BIRC6: variants seen among roughly 807,000 people sequenced by gnomAD.
BIRC6 encodes baculoviral IAP repeat containing 6, also known as dual E2 ubiquitin-conjugating enzyme/E3 ubiquitin-protein ligase BIRC6.
In BIRC6, 98 loss-of-function variants were observed where a neutral mutation model predicts 503.3. The ratio of observed to expected loss-of-function variants is 0.19; its 90% CI spans 0.17 to 0.23. BIRC6 has a LOEUF of 0.23. Ranked by LOEUF, BIRC6 falls within the 10% of genes least tolerant of loss-of-function variation. The pLI is 1.00. For synonymous variants in BIRC6, 2,240 were observed against 2,078.7 expected (o/e 1.08, Z -2.11); for missense variants, 5,360 against 5,806.0 (o/e 0.92, Z 2.50).
At chr2:32,462,682 C>T (rs183883119) in intron 23 of BIRC6, among the ~76,000 whole-genome samples, 10 of 152,276 alleles carry the variant, frequency 6.6e-5, no homozygotes, top group African/African-American at 9.6e-5. Context: ...CTGGGCTGGG[C>T]GTGGTGGCTC....
At chr2:32,461,009 TCTC>T (rs1340165135) in intron 23 of BIRC6, among the ~76,000 whole-genome samples, 7 of 35,856 alleles carry the variant, frequency 2.0e-4, no homozygotes, top group Non-Finnish European at 1.3e-4. Flanking sequence ...TCTCTTCTCT[TCTC>T]TTCTCTTCTC....
rs2060181557 is a variant in BIRC6 at position 32,575,166 on chromosome 2, G to T, written c.13155G>T (p.Met4385Ile). The T allele has an allele frequency of 1.2e-6, 2 of 1,613,806 alleles. No individual in the cohort carries two copies. Among genetic ancestry groups the T allele is most frequent in the Admixed American group, 1.7e-5 (1 of 59,998 alleles). ...TTCTTCTCCTTATAGTTCTGGACATGGCAAGACATGTGCCACTCTATCGGG... is the reference window on the plus strand; with the variant it reads ...TTCTTCTCCTTATAGTTCTGGACATTGCAAGACATGTGCCACTCTATCGGG... The part of the protein sequence containing the change: ...SYLRNDSVLD[M>I]ARHVPLYRAL... The change falls in exon 66 of 74, where the codon ATG becomes ATT. Residue 4385 changes from methionine (M) to isoleucine (I), a missense_variant. Met to Ile is a conservative substitution (Grantham distance 10, BLOSUM62 1). Coordinates refer to ENST00000421745, the MANE Select transcript of BIRC6 (RefSeq NM_016252.4).
intron 23 of BIRC6, among the ~76,000 whole-genome samples, chr2:32,458,056 A>G (rs930208726): frequency 6.6e-6 from 1 of 152,172 alleles, no homozygotes; most frequent in African/African-American, 2.4e-5. Flanking sequence ...AGAATTCTAT[A>G]GGGATTCTAA....
chr2:32,574,843 G>A lies in BIRC6; in HGVS notation c.13145-313G>A, dbSNP rs113626971. 717 of 365,510 alleles carry A rather than the reference G, an allele frequency of 2.0e-3. 3 individuals carry two copies. The highest frequency in any genetic ancestry group is 2.8e-3 in the Non-Finnish European group (537 of 190,900). The allele number at this position is 365,510 out of a possible 1,614,324, so 22.6% of individuals were successfully genotyped here. A position where few individuals can be genotyped will look rare whatever the true frequency, so the allele number is the denominator to read the frequency against. On this transcript the variant is annotated intron_variant, in intron 65 of 73. Transcript: ENST00000421745. The stretch of plus-strand genomic sequence containing the variant: ...GGCTCACTATAGTCTCCGCCTCCCA[G>A]GTTCAAACAGTTCTCCTGCCTCAGC...
chr2:32,495,494 C>G (rs2052332565), intron 45 of BIRC6, among the ~76,000 whole-genome samples: 1 of 152,164 alleles, frequency 6.6e-6, no homozygotes. Flanking sequence ...GAAAGAAATA[C>G]TCGGTATAAA....
chr2:32,407,603 T>C (rs1222603955), intron 9 of BIRC6, among the ~76,000 whole-genome samples: 1 of 152,166 alleles, frequency 6.6e-6, no homozygotes, highest in Non-Finnish European at 1.5e-5. Flanking sequence ...AACTTAAATC[T>C]TTTTAGAAGA....
chr2:32,521,250 A>G (rs1476513194), intron 57 of BIRC6, among the ~76,000 whole-genome samples: 1 of 150,512 alleles, frequency 6.6e-6, no homozygotes, highest in East Asian at 2.0e-4. Flanking sequence ...TTTACCTGCT[A>G]TCTGTAGCTT....
At chr2:32,444,644 G>A (rs939549470) in intron 20 of BIRC6, among the ~76,000 whole-genome samples, 2 of 152,018 alleles carry the variant, frequency 1.3e-5, no homozygotes, top group South Asian at 2.1e-4. Context: ...CCAGCACTTC[G>A]GGAGGCCATG....
At chr2:32,488,245 A>G (rs1306244088) in intron 41 of BIRC6, among the ~76,000 whole-genome samples, 1 of 152,062 alleles carries the variant, frequency 6.6e-6, no homozygotes, top group Non-Finnish European at 1.5e-5. Flanking sequence ...CGGGAGGCTG[A>G]GGCGGGAGGA....
intron 33 of BIRC6, among the ~76,000 whole-genome samples, chr2:32,475,491 G>T (rs1031658964): frequency 2.6e-5 from 4 of 152,178 alleles, no homozygotes; most frequent in African/African-American, 9.7e-5. Flanking sequence ...AGGGAACCTT[G>T]TGGTGGCATT....
intron 70 of BIRC6, among the ~76,000 whole-genome samples, chr2:32,600,768 G>A (rs2062001335): frequency 6.6e-6 from 1 of 152,178 alleles, no homozygotes; most frequent in African/African-American, 2.4e-5. Context: ...TGTGTTCCTT[G>A]ATACACACAA....
At chr2:32,585,833 A>C (rs2060986552) in intron 66 of BIRC6, among the ~76,000 whole-genome samples, 1 of 152,226 alleles carries the variant, frequency 6.6e-6, no homozygotes, top group African/African-American at 2.4e-5. Context: ...TTAATAATAC[A>C]GTCCTAACTT....
intron 9 of BIRC6, among the ~76,000 whole-genome samples, chr2:32,410,177 A>T (rs1292386457): frequency 6.6e-6 from 1 of 152,168 alleles, no homozygotes; most frequent in Non-Finnish European, 1.5e-5. Context: ...ATTTAAGTAA[A>T]TTTGTCAGTT....
chr2:32,411,931 T>C (rs1198762697), intron 9 of BIRC6, among the ~76,000 whole-genome samples: 1 of 152,224 alleles, frequency 6.6e-6, no homozygotes, highest in Non-Finnish European at 1.5e-5. Flanking sequence ...CTGACATCTA[T>C]TGTAAGACTT....
intron 54 of BIRC6, among the ~76,000 whole-genome samples, chr2:32,514,629 T>C (rs1257977029): frequency 6.6e-6 from 1 of 152,230 alleles, no homozygotes. Context: ...TTAAGCCATT[T>C]GTCATGTGGA....
chr2:32,440,751 T>TTTTTTTTTATTATTA (rs773312894), intron 16 of BIRC6, among the ~76,000 whole-genome samples: 3 of 147,150 alleles, frequency 2.0e-5, no homozygotes, highest in Admixed American at 1.4e-4. Flanking sequence ...TGTTTATTTA[T>TTTTTTTTTATTATTA]TTATTATTAT....
rs750272186 is a variant in BIRC6, at chr2:32,510,511, A to T, written c.10238-15A>T. The stretch of plus-strand genomic sequence containing the variant: ...CTTATTTAGCAAACTTTTTCTTTGG[A>T]TTCTTTGTTGCAAGATTTGAATAGT... On this transcript the variant is annotated splice_polypyrimidine_tract_variant and intron_variant, in intron 52 of 73. Transcript: ENST00000421745. 39 of 1,480,756 alleles carry T rather than the reference A, an allele frequency of 2.6e-5. No individual in the cohort carries two copies. Among genetic ancestry groups the T allele is most frequent in the Non-Finnish European group, 3.4e-5 (36 of 1,066,134 alleles). 91.7% of individuals were successfully genotyped at this position (1,480,756 alleles called of 1,614,324 possible). A position where few individuals can be genotyped will look rare whatever the true frequency, so the allele number is the denominator to read the frequency against.
At chr2:32,605,759 G>A (rs531117093) in intron 71 of BIRC6, among the ~76,000 whole-genome samples, 1 of 152,296 alleles carries the variant, frequency 6.6e-6, no homozygotes, top group African/African-American at 2.4e-5. Context: ...TTGGGAGGCT[G>A]AGGCAGAAGA....
In BIRC6 at chr2:32,433,802, A is replaced by G. The variant is rs766683089; in HGVS notation, c.3407A>G (p.Asn1136Ser). The part of the protein sequence containing the change: ...KNKAPGLGKV[N>S]ALNIEVEQNG... Reference sequence around the variant, plus strand: ...AAAGCTCCAGGATTAGGGAAAGTCAATGGTAAGAATGTATCAAAATTTATC... The same window carrying G: ...AAAGCTCCAGGATTAGGGAAAGTCAGTGGTAAGAATGTATCAAAATTTATC... Residue 1136 changes from asparagine (N) to serine (S), a missense_variant and splice_region_variant, in exon 13 of 74, where the codon AAT becomes AGT. By Grantham distance (46) the Asn-to-Ser change is conservative (BLOSUM62 1). Around this residue, in one of 16 missense-constraint regions of BIRC6, gnomAD observed 2,299 missense variants for 2,267.2 expected, o/e 1.01. Transcript: ENST00000421745. 71 of 1,528,202 alleles carry G rather than the reference A, an allele frequency of 4.6e-5. No individual in the cohort carries two copies. The highest frequency in any genetic ancestry group is 6.9e-5 in the East Asian group (3 of 43,632). 94.7% of individuals were successfully genotyped at this position (1,528,202 alleles called of 1,614,324 possible).
Sources: allele counts gnomAD v4.1 joint callset (sites outside exome capture counted in the v4.1 genomes callset), GRCh38; gene constraint gnomAD v4.1.1; regional missense constraint gnomAD v4.1.1; transcripts MANE v1.5; gene names NCBI Gene and HGNC (gene_info 2026-07-23, HGNC 2026-07-21).